Variants in SH3RF3 observed in about 807,000 individuals in gnomAD.
SH3RF3 encodes the protein E3 ubiquitin-protein ligase SH3RF3.
A neutral mutation model predicts 66.3 loss-of-function variants in SH3RF3; 29 were observed. The observed-to-expected ratio is 0.44, with a 90% CI of 0.33 to 0.60. The LOEUF is 0.60. Among genes scored for constraint, SH3RF3 ranks in the 20% least tolerant of loss-of-function variants. SH3RF3 has a pLI of 0.04. For missense variants in SH3RF3, 1,194 were observed against 1,190.9 expected, an observed-to-expected ratio of 1.00 and a Z score of -0.04; for synonymous variants, 583 against 532.0, an observed-to-expected ratio of 1.10 and a Z score of -1.32.
chr2:109,314,555 T>G (rs1681825218), intron 1 of SH3RF3, among the ~76,000 whole-genome samples: 1 of 152,176 alleles, frequency 6.6e-6, no homozygotes, highest in Admixed American at 6.5e-5. Flanking sequence ...ACTAATACAT[T>G]TTTATTATTC....
intron 4 of SH3RF3, among the ~76,000 whole-genome samples, chr2:109,411,932 A>C (rs1040629086): frequency 6.6e-6 from 1 of 152,184 alleles, no homozygotes; most frequent in African/African-American, 2.4e-5. Context: ...AAGCCGGCAG[A>C]ATGTCTCCCT....
chr2:109,482,559 A>G (rs997579127), intron 8 of SH3RF3, among the ~76,000 whole-genome samples: 1 of 151,602 alleles, frequency 6.6e-6, no homozygotes, highest in Non-Finnish European at 1.5e-5. Flanking sequence ...ATCCAAACCC[A>G]CTCCCGCGCC....
At chr2:109,284,687 G>A (rs1225463919) in intron 1 of SH3RF3, among the ~76,000 whole-genome samples, 1 of 152,128 alleles carries the variant, frequency 6.6e-6, no homozygotes, top group Non-Finnish European at 1.5e-5. Context: ...ATTTTTTTGA[G>A]ACCCTTCCCA....
chr2:109,259,603 G>A (rs886084533), intron 1 of SH3RF3, among the ~76,000 whole-genome samples: 4 of 152,204 alleles, frequency 2.6e-5, no homozygotes, highest in Non-Finnish European at 5.9e-5. Flanking sequence ...ATGTTTGGGC[G>A]GCATGTTATT....
intron 2 of SH3RF3, among the ~76,000 whole-genome samples, chr2:109,358,404 G>T (rs1682993901): frequency 6.6e-6 from 1 of 152,204 alleles, no homozygotes; most frequent in Admixed American, 6.5e-5. Flanking sequence ...AGCTCCTTTG[G>T]ATAAATACTA....
chr2:109,378,039 T>C (rs1683429929), intron 3 of SH3RF3, among the ~76,000 whole-genome samples: 1 of 152,248 alleles, frequency 6.6e-6, no homozygotes, highest in Non-Finnish European at 1.5e-5. Flanking sequence ...ACCTTGGTCT[T>C]GTGGGTTTTC....
intron 1 of SH3RF3, among the ~76,000 whole-genome samples, chr2:109,227,241 G>T (rs1679393183): frequency 1.3e-5 from 2 of 152,178 alleles, no homozygotes; most frequent in Non-Finnish European, 2.9e-5. Flanking sequence ...TGAAAGTTGG[G>T]GGAAGGAGCT....
intron 1 of SH3RF3, among the ~76,000 whole-genome samples, chr2:109,334,932 A>G (rs182436817): frequency 6.6e-6 from 1 of 152,276 alleles, no homozygotes; most frequent in African/African-American, 2.4e-5. Flanking sequence ...CTTCCTGGAA[A>G]GGTTCTGCTT....
intron 8 of SH3RF3, among the ~76,000 whole-genome samples, chr2:109,451,070 C>G (rs548920579): frequency 2.0e-5 from 3 of 152,240 alleles, no homozygotes; most frequent in Non-Finnish European, 4.4e-5. Flanking sequence ...TGGGCCACAC[C>G]AGGTTCCGCA....
intron 1 of SH3RF3, among the ~76,000 whole-genome samples, chr2:109,213,225 G>A (rs1679033119): frequency 6.6e-6 from 1 of 152,134 alleles, no homozygotes; most frequent in Non-Finnish European, 1.5e-5. Context: ...TGGTCCCAGG[G>A]CTGCTTCTGA....
At chr2:109,440,959 C>G (rs1559085276) in intron 7 of SH3RF3, among the ~76,000 whole-genome samples, 1 of 151,578 alleles carries the variant, frequency 6.6e-6, no homozygotes, top group Non-Finnish European at 1.5e-5. Context: ...GGAAAAATTG[C>G]AGAAATCACC....
chr2:109,321,303 T>G (rs1211315583), intron 1 of SH3RF3, among the ~76,000 whole-genome samples: 1 of 152,236 alleles, frequency 6.6e-6, no homozygotes, highest in African/African-American at 2.4e-5. Context: ...CTTAATTTAG[T>G]AAATTGGTAG....
At chr2:109,493,015 C>T (rs1282814342) in intron 9 of SH3RF3, among the ~76,000 whole-genome samples, 1 of 151,784 alleles carries the variant, frequency 6.6e-6, no homozygotes, top group African/African-American at 2.4e-5. Context: ...CATACACTCA[C>T]CACACATACA....
chr2:109,326,478 C>A (rs1426773415), intron 1 of SH3RF3, among the ~76,000 whole-genome samples: 1 of 152,082 alleles, frequency 6.6e-6, no homozygotes, highest in Non-Finnish European at 1.5e-5. Flanking sequence ...TGGTGAGAGA[C>A]GTTTCCTTCT....
chr2:109,343,983 A>G (rs1682621473), intron 1 of SH3RF3, among the ~76,000 whole-genome samples: 1 of 151,906 alleles, frequency 6.6e-6, no homozygotes, highest in African/African-American at 2.4e-5. Context: ...GCCTCAAGTG[A>G]TTTTCCATCC....
At chr2:109,177,960 G>A (rs72946107) in intron 1 of SH3RF3, among the ~76,000 whole-genome samples, 93 of 152,254 alleles carry the variant, frequency 6.1e-4, no homozygotes, top group African/African-American at 2.1e-3. Context: ...TTGCCAACAT[G>A]TTTCCCAAAT....
At chr2:109,492,084 G>A (rs1028462004) in intron 9 of SH3RF3, among the ~76,000 whole-genome samples, 20 of 152,302 alleles carry the variant, frequency 1.3e-4, no homozygotes, top group African/African-American at 4.6e-4. Context: ...TGGTGACCAC[G>A]TCCTCTGCCT....
intron 1 of SH3RF3, among the ~76,000 whole-genome samples, chr2:109,238,308 T>C (rs1679696267): frequency 6.6e-6 from 1 of 152,230 alleles, no homozygotes; most frequent in Non-Finnish European, 1.5e-5. Flanking sequence ...CTAATATCAC[T>C]GTATTTTTAA....
intron 1 of SH3RF3, among the ~76,000 whole-genome samples, chr2:109,194,922 A>C (rs1678459857): frequency 6.6e-6 from 1 of 152,150 alleles, no homozygotes; most frequent in South Asian, 2.1e-4. Flanking sequence ...AAAAGAAAAA[A>C]ATCCAAGGAA....
Sources: allele counts gnomAD v4.1 joint callset (sites outside exome capture counted in the v4.1 genomes callset), GRCh38; gene constraint gnomAD v4.1.1; transcripts MANE v1.5; gene names NCBI Gene and HGNC (gene_info 2026-07-23, HGNC 2026-07-21).